Variants in FBXL7 observed in about 807,000 individuals in gnomAD.
The protein encoded by FBXL7 is F-box and leucine rich repeat protein 7.
A neutral mutation model predicts 38.3 loss-of-function variants in FBXL7; 12 were observed. The observed-to-expected ratio is 0.31, with a 90% CI of 0.20 to 0.51. The LOEUF (loss-of-function observed/expected upper bound fraction) is 0.51. Among genes scored for constraint, FBXL7 ranks in the 20% least tolerant of loss-of-function variants. FBXL7 has a pLI of 0.98. For missense variants in FBXL7, 567 were observed against 676.4 expected (o/e 0.84, Z 1.79); for synonymous variants, 297 against 300.9 (o/e 0.99, Z 0.13).
intron 2 of FBXL7, among the ~76,000 whole-genome samples, chr5:15,889,191 T>C (rs1740803424): frequency 6.6e-6 from 1 of 152,124 alleles, no homozygotes; most frequent in African/African-American, 2.4e-5. Context: ...TACCAATGCC[T>C]GGCCACAAGT....
Position 15,612,297 on chromosome 5 carries a change from C to T in FBXL7, c.38-3686C>T, listed in dbSNP as rs960378631. Reference sequence around the variant, plus strand: ...ATGATTGAGAAATACTGTCATAGGGCATAATGACTATTTAATAAGAGAAAG... The same window carrying T: ...ATGATTGAGAAATACTGTCATAGGGTATAATGACTATTTAATAAGAGAAAG... On this transcript the variant is annotated intron_variant, in intron 1 of 3. Coordinates refer to ENST00000504595, the MANE Select transcript of FBXL7 (RefSeq NM_012304.5). 3.3e-5 allele frequency among the ~76,000 whole-genome samples: 5 copies of T among 152,100 alleles called. No homozygotes were observed. In the South Asian group the frequency reaches 1.0e-3, roughly 32 times the overall value.
intron 2 of FBXL7, among the ~76,000 whole-genome samples, chr5:15,674,493 G>A (rs1340638521): frequency 6.6e-6 from 1 of 152,138 alleles, no homozygotes; most frequent in Admixed American, 6.5e-5. Context: ...AACCAGGTTG[G>A]CTATAGGGTT....
In FBXL7 at chr5:15,550,060, G is replaced by C. The variant is rs575779822; in HGVS notation, c.37+49347G>C. The stretch of plus-strand genomic sequence containing the variant: ...AGGCTTTAGATAGTATGTTGCTGAA[G>C]ACCTCTTGTGCTAGAGAATATTGGC... On this transcript the variant is annotated intron_variant, in intron 1 of 3. Coordinates refer to ENST00000504595, the MANE Select transcript of FBXL7 (RefSeq NM_012304.5). 2.6e-5 allele frequency among the ~76,000 whole-genome samples: 4 copies of C among 152,324 alleles called. No homozygotes were observed. In the South Asian group the frequency reaches 8.3e-4, roughly 32 times the overall value.
intron 1 of FBXL7, among the ~76,000 whole-genome samples, chr5:15,512,123 A>G (rs1736811417): frequency 6.6e-6 from 1 of 152,166 alleles, no homozygotes; most frequent in South Asian, 2.1e-4. Context: ...TATTTTCTTC[A>G]GTCTTCTCTT....
At chr5:15,787,254 G>T (rs984932409) in intron 2 of FBXL7, among the ~76,000 whole-genome samples, 2 of 152,130 alleles carry the variant, frequency 1.3e-5, no homozygotes, top group Non-Finnish European at 2.9e-5. Flanking sequence ...AAAATCAGTC[G>T]GCATTGAAGA....
At chr5:15,538,075 C>T (rs1737637464) in intron 1 of FBXL7, among the ~76,000 whole-genome samples, 1 of 152,178 alleles carries the variant, frequency 6.6e-6, no homozygotes, top group Admixed American at 6.5e-5. Flanking sequence ...CATCTTGTTT[C>T]TCTTCCCTGT....
intron 2 of FBXL7, among the ~76,000 whole-genome samples, chr5:15,901,434 G>A (rs574259696): frequency 1.3e-5 from 2 of 152,240 alleles, no homozygotes; most frequent in African/African-American, 4.8e-5. Context: ...GCAAATATCA[G>A]CACATCAGGA....
At chr5:15,529,354 T>A (rs1040443901) in intron 1 of FBXL7, among the ~76,000 whole-genome samples, 1 of 152,144 alleles carries the variant, frequency 6.6e-6, no homozygotes, top group African/African-American at 2.4e-5. Context: ...ACCTGGCTAT[T>A]GTGAATAATG....
chr5:15,764,805 A>G (rs1191941000), intron 2 of FBXL7, among the ~76,000 whole-genome samples: 2 of 152,256 alleles, frequency 1.3e-5, no homozygotes. Flanking sequence ...GCATATTGTA[A>G]ATTATCTGTG....
chr5:15,864,925 A>G (rs182451738), intron 2 of FBXL7, among the ~76,000 whole-genome samples: 2 of 152,194 alleles, frequency 1.3e-5, no homozygotes, highest in Non-Finnish European at 2.9e-5. Flanking sequence ...GCTGCAGATA[A>G]AAAGGTCTGG....
chr5:15,778,378 C>T (rs2126718266), intron 2 of FBXL7, among the ~76,000 whole-genome samples: 1 of 152,176 alleles, frequency 6.6e-6, no homozygotes, highest in Non-Finnish European at 1.5e-5. Context: ...TGGCTTGGGG[C>T]CTTCGTTCTC....
chr5:15,731,147 A>G (rs542555507), intron 2 of FBXL7, among the ~76,000 whole-genome samples: 22 of 152,282 alleles, frequency 1.4e-4, no homozygotes, highest in Admixed American at 2.0e-4. Flanking sequence ...ATAGCATTCA[A>G]GTGTTCCAGG....
intron 1 of FBXL7, chr5:15,501,614 G>C (rs1264153574): frequency 6.1e-6 from 6 of 985,454 alleles, no homozygotes; most frequent in Non-Finnish European, 7.2e-6. Flanking sequence ...TGGTTACAAA[G>C]GAGGGGCCAG....
chr5:15,831,120 A>G (rs901504094), intron 2 of FBXL7, among the ~76,000 whole-genome samples: 3 of 152,182 alleles, frequency 2.0e-5, no homozygotes, highest in African/African-American at 7.2e-5. Context: ...TGCTGCTGCT[A>G]TCATTGTGAC....
At chr5:15,829,798 G>A (rs908604432) in intron 2 of FBXL7, among the ~76,000 whole-genome samples, 1 of 152,066 alleles carries the variant, frequency 6.6e-6, no homozygotes, top group African/African-American at 2.4e-5. Context: ...ATCAAGATTT[G>A]CTTTTAATAT....
chr5:15,797,301 G>T (rs945988676), intron 2 of FBXL7, among the ~76,000 whole-genome samples: 8 of 152,222 alleles, frequency 5.3e-5, no homozygotes, highest in Non-Finnish European at 1.0e-4. Context: ...CAGGTCAACA[G>T]CTGTAATGTA....
At chr5:15,695,537 G>C (rs1335854119) in intron 2 of FBXL7, among the ~76,000 whole-genome samples, 2 of 152,116 alleles carry the variant, frequency 1.3e-5, no homozygotes, top group Non-Finnish European at 2.9e-5. Context: ...CCATTGGCTG[G>C]ATATGGAAAA....
intron 1 of FBXL7, among the ~76,000 whole-genome samples, chr5:15,562,054 G>C (rs979064841): frequency 5.3e-5 from 8 of 151,978 alleles, no homozygotes; most frequent in African/African-American, 1.9e-4. Context: ...AAATGGTACA[G>C]GGAAAACTGG....
chr5:15,741,876 C>T (rs1040467607), intron 2 of FBXL7, among the ~76,000 whole-genome samples: 6 of 151,950 alleles, frequency 3.9e-5, no homozygotes, highest in African/African-American at 1.2e-4. Context: ...CACATGAATG[C>T]ACAGGAATGC....
Sources: gnomAD v4.1 joint callset for allele counts (sites outside exome capture counted in the v4.1 genomes callset) on GRCh38, gnomAD v4.1.1 for gene constraint, MANE v1.5 for transcripts, NCBI Gene and HGNC (gene_info 2026-07-23, HGNC 2026-07-21) for gene names.